COL10A1: variants seen among roughly 807,000 people sequenced by gnomAD.
COL10A1 encodes collagen type X alpha 1 chain.
COL10A1 carries 10 observed loss-of-function variants against 18.2 expected under a neutral mutation model. The observed-to-expected ratio is 0.55, with a 90% CI of 0.34 to 0.93. The LOEUF (loss-of-function observed/expected upper bound fraction) is 0.93. COL10A1 is among the 40% of genes least tolerant of loss of function. The pLI, the probability that COL10A1 is intolerant of heterozygous loss-of-function variation, is 0.02. For synonymous variants in COL10A1, 330 were observed against 316.6 expected (o/e 1.04, Z -0.45); for missense variants, 897 against 853.5 (o/e 1.05, Z -0.64).
At chr6:116,129,373 A>G (rs909195531), upstream of COL10A1, among the ~76,000 whole-genome samples, 4 of 152,184 alleles carry the variant, frequency 2.6e-5, no homozygotes, top group Non-Finnish European at 5.9e-5. Flanking sequence ...CCCAAAGTTC[A>G]TGTGTTGGAA....
intron 1 of COL10A1, among the ~76,000 whole-genome samples, chr6:116,150,718 A>G (rs373814586): frequency 4.6e-5 from 7 of 152,232 alleles, no homozygotes; most frequent in African/African-American, 1.7e-4. Context: ...GCTAGTTTTT[A>G]TTTGATGTTG....
chr6:116,206,570 G>A, the COL10A1 span, among the ~76,000 whole-genome samples: 1 of 151,952 alleles, frequency 6.6e-6, no homozygotes, highest in Non-Finnish European at 1.5e-5. Flanking sequence ...AAGCTTTTCA[G>A]TAGAAATGGA....
chr6:116,215,689 G>C, the COL10A1 span, among the ~76,000 whole-genome samples: 7 of 152,122 alleles, frequency 4.6e-5, no homozygotes, highest in Non-Finnish European at 8.8e-5. Context: ...GGTTCTTTTA[G>C]AATGATTCAT....
chr6:116,135,603 A>C (rs995049810), intron 1 of COL10A1, among the ~76,000 whole-genome samples: 2 of 151,654 alleles, frequency 1.3e-5, no homozygotes, highest in African/African-American at 4.8e-5. Context: ...AGCATTTTGC[A>C]CGAGCTATAT....
At chr6:116,172,832 A>G in the COL10A1 span, among the ~76,000 whole-genome samples, 5 of 152,196 alleles carry the variant, frequency 3.3e-5, no homozygotes, top group Admixed American at 2.0e-4. Flanking sequence ...CCTTTAGGAA[A>G]ATCTACTCTC....
chr6:116,200,642 A>G, the COL10A1 span, among the ~76,000 whole-genome samples: 1 of 152,032 alleles, frequency 6.6e-6, no homozygotes, highest in African/African-American at 2.4e-5. Flanking sequence ...GAGCTCTGGT[A>G]TATAATTCCC....
the COL10A1 span, among the ~76,000 whole-genome samples, chr6:116,196,582 TTA>T: frequency 2.5e-4 from 38 of 152,170 alleles, no homozygotes; most frequent in East Asian, 7.4e-3. Context: ...TTTTATCAAA[TTA>T]TATATAGTAT....
chr6:116,165,121 A>AAATC, the COL10A1 span, among the ~76,000 whole-genome samples: 1 of 147,758 alleles, frequency 6.8e-6, no homozygotes, highest in Admixed American at 6.7e-5. Context: ...AAAAAAAATT[A>AAATC]TTGGCTGGCA....
At chr6:116,177,634 T>C in the COL10A1 span, among the ~76,000 whole-genome samples, 1 of 152,202 alleles carries the variant, frequency 6.6e-6, no homozygotes, top group Non-Finnish European at 1.5e-5. Flanking sequence ...CTTATACTTT[T>C]TACTTAAAGG....
At chr6:116,136,953 G>GT (rs2114350813) in intron 1 of COL10A1, 1 of 153,290 alleles carries the variant, frequency 6.5e-6, no homozygotes, top group Non-Finnish European at 1.5e-5. Flanking sequence ...ACCTGAAGAG[G>GT]TCATAGTGTT....
upstream of COL10A1, among the ~76,000 whole-genome samples, chr6:116,160,797 G>T (rs1780308107): frequency 6.6e-6 from 1 of 152,110 alleles, no homozygotes; most frequent in South Asian, 2.1e-4. Flanking sequence ...GTTAATTTTT[G>T]TATATGGTAA....
chr6:116,121,017 C>T lies in COL10A1; in HGVS notation c.1099G>A (p.Ala367Thr), dbSNP rs199891846. The change falls in exon 3 of 3, where the codon GCT (alanine) becomes ACT (threonine). Residue 367 changes from alanine (A) to threonine (T), a missense_variant. By Grantham distance (58) the Ala-to-Thr change is moderately conservative. Coordinates refer to ENST00000651968, the MANE Select transcript of COL10A1 (RefSeq NM_000493.4). The stretch of plus-strand genomic sequence containing the variant: ...GCCCCAGGGTATCCTGCAGGCCCAG[C>T]TGGCCCTGTCTCACCTTTAGGGCCT... ...LPGPKGETGPAGPAGYPGAKG... is the reference protein window; with the variant it reads ...LPGPKGETGPTGPAGYPGAKG... The T allele has an allele frequency of 5.0e-6, 8 of 1,613,970 alleles. No homozygotes were observed. Among genetic ancestry groups the T allele is most frequent in the Non-Finnish European group, 6.8e-6 (8 of 1,179,922 alleles).
chr6:116,164,937 A>C, the COL10A1 span, among the ~76,000 whole-genome samples: 5 of 151,928 alleles, frequency 3.3e-5, no homozygotes, highest in Non-Finnish European at 7.4e-5. Context: ...TAAATAAATA[A>C]AATACAAAAA....
the COL10A1 span, among the ~76,000 whole-genome samples, chr6:116,176,059 A>G: frequency 1.3e-5 from 2 of 152,190 alleles, no homozygotes; most frequent in East Asian, 3.9e-4. Context: ...ACACCTCAAA[A>G]TGGACTTGCC....
At chr6:116,135,997 C>T (rs987687017) in intron 1 of COL10A1, among the ~76,000 whole-genome samples, 4 of 151,674 alleles carry the variant, frequency 2.6e-5, no homozygotes, top group Admixed American at 6.6e-5. Context: ...TACAGTATCT[C>T]GAACTATAGT....
the COL10A1 span, among the ~76,000 whole-genome samples, chr6:116,197,904 A>C: frequency 6.6e-6 from 1 of 152,080 alleles, no homozygotes; most frequent in Non-Finnish European, 1.5e-5. Context: ...CTACTTCATT[A>C]GGAGCTCCAC....
At chr6:116,153,087 A>T (rs994801058) in intron 1 of COL10A1, among the ~76,000 whole-genome samples, 1 of 151,948 alleles carries the variant, frequency 6.6e-6, no homozygotes, top group African/African-American at 2.4e-5. Flanking sequence ...CATTTAATAA[A>T]ATCCCTGATA....
intron 1 of COL10A1, among the ~76,000 whole-genome samples, chr6:116,143,768 C>T (rs1779822510): frequency 6.6e-6 from 1 of 152,058 alleles, no homozygotes; most frequent in African/African-American, 2.4e-5. Flanking sequence ...GTTATTCAGT[C>T]AACAAAATTA....
chr6:116,200,195 A>G, the COL10A1 span, among the ~76,000 whole-genome samples: 1 of 152,034 alleles, frequency 6.6e-6, no homozygotes. Flanking sequence ...ATCCCAATTG[A>G]AGGACATTCT....
Sources: gnomAD v4.1 joint callset for allele counts (sites outside exome capture counted in the v4.1 genomes callset) on GRCh38, gnomAD v4.1.1 for gene constraint, MANE v1.5 for transcripts, NCBI Gene and HGNC (gene_info 2026-07-23, HGNC 2026-07-21) for gene names.